Variants in RPF2 observed in about 807,000 individuals in gnomAD.
RPF2 encodes the protein ribosome production factor 2 homolog, also known as brix domain containing 1.
In RPF2, 21 loss-of-function variants were observed where a neutral mutation model predicts 38.9. The observed-to-expected ratio is 0.54, with a 90% confidence interval of 0.38 to 0.78. The LOEUF is 0.78. RPF2 is among the 30% of genes least tolerant of loss of function. The pLI is 0.00. For missense variants in RPF2, 314 were observed against 358.1 expected (o/e 0.88, Z 0.99); for synonymous variants, 121 against 126.2 (o/e 0.96, Z 0.28).
In RPF2 at chr6:110,990,405, C is replaced by A. The variant is rs577433575; in HGVS notation, c.194+1340C>A. ...GTCAGTTATTTTGTAAATTATCCCT[C>A]AATTTGGGTTTAAATTTTCTCATGA... On this transcript the variant is annotated intron_variant, in intron 3 of 9. Transcript: ENST00000441448. 2.0e-5 allele frequency among the ~76,000 whole-genome samples: 3 copies of A among 152,270 alleles called. No homozygotes were observed. In the East Asian group the frequency reaches 5.8e-4, roughly 29 times the overall value.
At chr6:111,019,283 G>A (rs1312033511) in intron 8 of RPF2, among the ~76,000 whole-genome samples, 2 of 152,174 alleles carry the variant, frequency 1.3e-5, no homozygotes, top group African/African-American at 4.8e-5. Context: ...GGAGGCTGTG[G>A]CATGAGAATT....
chr6:111,013,716 C>T (rs1772058231), intron 7 of RPF2, among the ~76,000 whole-genome samples: 1 of 152,190 alleles, frequency 6.6e-6, no homozygotes, highest in African/African-American at 2.4e-5. Flanking sequence ...TTCAGTAATG[C>T]CACACCAATG....
rs553487625 is a variant in RPF2, at chr6:110,993,269, T to G, written c.234+1483T>G. Among the ~76,000 whole-genome samples the G allele has an allele frequency of 3.9e-3, 598 of 151,542 alleles. 2 individuals are homozygous for G. The highest frequency in any genetic ancestry group is 5.1e-3 in the Non-Finnish European group (344 of 67,960). ...CAGGAACCCATTATTTGTTGTTGTT[T>G]TTTTTCTTAAGTTCACTTGACCTTT... On this transcript the variant is annotated intron_variant, in intron 4 of 9. Transcript: ENST00000441448.
chr6:111,020,903 A>G (rs1772220988), intron 8 of RPF2, among the ~76,000 whole-genome samples: 1 of 152,146 alleles, frequency 6.6e-6, no homozygotes, highest in Admixed American at 6.6e-5. Flanking sequence ...ACGGTGGCTC[A>G]TCCCTGTAAT....
chr6:111,008,040 C>T lies in RPF2; in HGVS notation c.396C>T (p.Asn132=), dbSNP rs752871675. Residue 132 remains asparagine (N), a splice_region_variant and synonymous_variant, in exon 7 of 10, where the codon AAC becomes AAT. Transcript: ENST00000441448. ...TTGCTTTTTTTTTTTTTTTTTAGAA[C>T]AGTAAATGTCCTGAGGGAACAAAAC... The part of the protein sequence containing the change: ...ENFVSLKDIK[N]SKCPEGTKPM... The T allele has an allele frequency of 6.3e-5, 89 of 1,408,210 alleles. 1 individual carries two copies. Among genetic ancestry groups the T allele is most frequent in the Non-Finnish European group, 1.0e-5 (11 of 1,061,118 alleles). 87.2% of individuals were successfully genotyped at this position (1,408,210 alleles called of 1,614,324 possible). A position where few individuals can be genotyped will look rare whatever the true frequency, so the allele number is the denominator to read the frequency against.
chr6:111,009,655 A>G (rs957249394), intron 7 of RPF2, among the ~76,000 whole-genome samples: 1 of 152,174 alleles, frequency 6.6e-6, no homozygotes, highest in African/African-American at 2.4e-5. Context: ...TGTAATGAAT[A>G]TAAGGACTAC....
intron 9 of RPF2, among the ~76,000 whole-genome samples, chr6:111,025,148 A>G (rs1772300940): frequency 6.6e-6 from 1 of 152,216 alleles, no homozygotes. Context: ...GTGGCCTGAC[A>G]GTTTACCTGG....
chr6:110,986,781 G>T (rs936344072), intron 2 of RPF2, among the ~76,000 whole-genome samples: 1 of 151,864 alleles, frequency 6.6e-6, no homozygotes, highest in Admixed American at 6.6e-5. Flanking sequence ...GTGAAATCCT[G>T]TCTCTACTAA....
At chr6:111,022,646 T>C (rs1404669059) in intron 8 of RPF2, among the ~76,000 whole-genome samples, 1 of 152,244 alleles carries the variant, frequency 6.6e-6, no homozygotes, top group Non-Finnish European at 1.5e-5. Context: ...TATTAAATTA[T>C]TATATGCACC....
At chr6:110,985,901 G>GCA (rs67796629) in intron 2 of RPF2, among the ~76,000 whole-genome samples, 52,322 of 148,224 alleles carry the variant, frequency 0.35, 10,134 homozygotes, top group East Asian at 0.67. Context: ...TTGTGCCACT[G>GCA]CTCCAGCCTG....
intron 8 of RPF2, among the ~76,000 whole-genome samples, chr6:111,019,843 A>T (rs1339019177): frequency 1.3e-5 from 2 of 152,218 alleles, no homozygotes; most frequent in African/African-American, 2.4e-5. Context: ...CATCCCCAAG[A>T]TATCTCATTA....
At position 111,027,331 on chromosome 6, in the gene RPF2, A is replaced by G. The variant is rs549816391; in HGVS notation, c.*1749A>G. The G allele has an allele frequency of 1.3e-5, 2 of 152,338 alleles. No individual in the cohort carries two copies. Among genetic ancestry groups the G allele is most frequent in the African/African-American group, 2.4e-5 (1 of 41,584 alleles). The allele number at this position is 152,338 out of a possible 1,614,324, so 9.4% of individuals were successfully genotyped here. A position where few individuals can be genotyped will look rare whatever the true frequency, so the allele number is the denominator to read the frequency against. On this transcript the variant is annotated 3_prime_UTR_variant, in exon 10 of 10. Coordinates refer to ENST00000441448, the MANE Select transcript of RPF2 (RefSeq NM_032194.3). Reference sequence around the variant, plus strand: ...TTATACGTTTAACCAAAGACCATACAGTCTCGTACCTGAATCAGACATTTG... The same window carrying G: ...TTATACGTTTAACCAAAGACCATACGGTCTCGTACCTGAATCAGACATTTG...
At chr6:111,011,137 G>A (rs1006118354) in intron 7 of RPF2, among the ~76,000 whole-genome samples, 1 of 151,868 alleles carries the variant, frequency 6.6e-6, no homozygotes, top group African/African-American at 2.4e-5. Context: ...TCTTGCCTGT[G>A]GTAAACATAT....
At chr6:110,991,663 C>T (rs998388232) in intron 3 of RPF2, 84 bp from the exon 4 acceptor site, 5 of 473,270 alleles carry the variant, frequency 1.1e-5, no homozygotes, top group Admixed American at 4.3e-5. Context: ...ATTGTTTTAT[C>T]ATCTGAATAT....
At chr6:111,009,932 C>T (rs1771983172) in intron 7 of RPF2, among the ~76,000 whole-genome samples, 1 of 152,078 alleles carries the variant, frequency 6.6e-6, no homozygotes, top group Non-Finnish European at 1.5e-5. Context: ...CTTCAGCCCT[C>T]AGAGTGCTGG....
intron 3 of RPF2, 133 bp from the exon 4 acceptor site, chr6:110,991,614 G>A (rs9487568): frequency 0.094 from 34,510 of 366,166 alleles, 1,911 homozygotes; most frequent in African/African-American, 0.16. Flanking sequence ...GCATATAACA[G>A]GCACTGAATA....
chr6:111,004,094 T>G (rs1771864907), intron 6 of RPF2, among the ~76,000 whole-genome samples: 1 of 151,992 alleles, frequency 6.6e-6, no homozygotes, highest in Non-Finnish European at 1.5e-5. Flanking sequence ...ATTATAGATG[T>G]GAGCCACCAT....
intron 7 of RPF2, among the ~76,000 whole-genome samples, chr6:111,011,088 A>G (rs1455971774): frequency 1.3e-5 from 2 of 152,096 alleles, no homozygotes; most frequent in African/African-American, 2.4e-5. Context: ...TTGAAACCCA[A>G]CGCTTCCAAA....
chr6:111,024,151 A>G (rs1772281696), intron 8 of RPF2, 32 bp from the exon 9 acceptor site: 3 of 1,555,772 alleles, frequency 1.9e-6, no homozygotes, highest in Non-Finnish European at 2.6e-6. Flanking sequence ...ATGAAAGTCA[A>G]AGCAACATTT....
Sources: gnomAD v4.1 joint callset for allele counts (sites outside exome capture counted in the v4.1 genomes callset) on GRCh38, gnomAD v4.1.1 for gene constraint, MANE v1.5 for transcripts, NCBI Gene and HGNC (gene_info 2026-07-23, HGNC 2026-07-21) for gene names.